The following CREB5 variants were observed in gnomAD, a reference collection of about 807,000 sequenced individuals.
The protein encoded by CREB5 is cAMP responsive element binding protein 5, also known as cyclic AMP-responsive element-binding protein 5.
In CREB5, 19 loss-of-function variants were observed where a neutral mutation model predicts 57.1. That is an observed-to-expected ratio of 0.33 (90% CI 0.23 to 0.49). The LOEUF (loss-of-function observed/expected upper bound fraction) is 0.49, where lower values mean the gene tolerates loss of function less well. CREB5 is among the 20% of genes least tolerant of loss of function. The pLI is 0.99. For synonymous variants in CREB5, 238 were observed against 238.3 expected, an observed-to-expected ratio of 1.00 and a Z score of 0.01; for missense variants, 579 against 671.6, an observed-to-expected ratio of 0.86 and a Z score of 1.52.
intron 5 of CREB5, among the ~76,000 whole-genome samples, chr7:28,707,307 C>A (rs1171087251): frequency 6.6e-6 from 1 of 152,224 alleles, no homozygotes. Context: ...CTTCAAAGGG[C>A]TAAGCACACT....
Position 28,823,341 on chromosome 7 carries a change from T to C in CREB5, c.*4062T>C, listed in dbSNP as rs1233936294. On this transcript the variant is annotated 3_prime_UTR_variant, in exon 11 of 11. Transcript: ENST00000357727. ...TCTATTAATTTAGAATTTTATAAGATATTTATTAATAAATGTTATTTTTAA... is the reference window on the plus strand; with the variant it reads ...TCTATTAATTTAGAATTTTATAAGACATTTATTAATAAATGTTATTTTTAA... 2 of 152,664 alleles carry C rather than the reference T, an allele frequency of 1.3e-5. No homozygotes were observed. The highest frequency in any genetic ancestry group is 1.3e-4 in the Admixed American group (2 of 15,288). 9.5% of individuals were successfully genotyped at this position (152,664 alleles called of 1,614,324 possible).
chr7:28,661,720 C>G (rs1799619067), intron 5 of CREB5, among the ~76,000 whole-genome samples: 1 of 152,162 alleles, frequency 6.6e-6, no homozygotes, highest in African/African-American at 2.4e-5. Context: ...CAGGTTCATT[C>G]TGACTCTAGG....
intron 7 of CREB5, among the ~76,000 whole-genome samples, chr7:28,736,809 G>GCTCT (rs200614614): frequency 1.0e-4 from 15 of 145,912 alleles, no homozygotes; most frequent in African/African-American, 2.5e-4. Flanking sequence ...ATGTACTTAG[G>GCTCT]CTCTCTCTCT....
intron 1 of CREB5, among the ~76,000 whole-genome samples, chr7:28,388,791 C>T (rs1370687881): frequency 6.6e-6 from 1 of 152,156 alleles, no homozygotes; most frequent in Non-Finnish European, 1.5e-5. Flanking sequence ...TTGTATCAGT[C>T]CTAATAACTC....
In CREB5 at chr7:28,635,800, G is replaced by C. The variant is rs562163159; in HGVS notation, c.464+65263G>C. ...TCATTCATATTGTTTTCTGGGCCCAGCCACATTTCAGATTGGCATATGCCA... is the reference window on the plus strand; with the variant it reads ...TCATTCATATTGTTTTCTGGGCCCACCCACATTTCAGATTGGCATATGCCA... On this transcript the variant is annotated intron_variant, in intron 5 of 10. Transcript: ENST00000357727. Among the ~76,000 whole-genome samples the C allele has an allele frequency of 3.3e-5, 5 of 152,200 alleles. No individual in the cohort carries two copies. The East Asian group carries it at 9.7e-4, about 29-fold the overall frequency.
At position 28,412,816 on chromosome 7, in the gene CREB5, A is replaced by T; in HGVS notation, c.-99A>T. 1 of 1,136,506 alleles carries T rather than the reference A, an allele frequency of 8.8e-7. No homozygotes were observed. 70.4% of individuals were successfully genotyped at this position (1,136,506 alleles called of 1,614,324 possible). On this transcript the variant is annotated 5_prime_UTR_variant, in exon 1 of 11. Transcript: ENST00000357727. Reference sequence around the variant, plus strand: ...ATACTCAAGACTTATTTTCTTCCTAATCTTGCTGGTGAAACAGAAGTTACT... The same window carrying T: ...ATACTCAAGACTTATTTTCTTCCTATTCTTGCTGGTGAAACAGAAGTTACT...
intron 1 of CREB5, among the ~76,000 whole-genome samples, chr7:28,400,435 T>TA (rs888678036): frequency 1.3e-5 from 2 of 152,180 alleles, no homozygotes; most frequent in African/African-American, 4.8e-5. Context: ...GACATAGCAT[T>TA]AAATAGCCAC....
chr7:28,559,929 A>G (rs752372302), intron 4 of CREB5, among the ~76,000 whole-genome samples: 1 of 152,228 alleles, frequency 6.6e-6, no homozygotes, highest in Non-Finnish European at 1.5e-5. Context: ...GGTGCTGAGT[A>G]GAAGATAACA....
intron 9 of CREB5, among the ~76,000 whole-genome samples, chr7:28,815,239 G>C (rs1809358553): frequency 6.6e-6 from 1 of 152,150 alleles, no homozygotes; most frequent in Non-Finnish European, 1.5e-5. Flanking sequence ...TGCCACTGTA[G>C]TCCAGCCTGG....
intron 1 of CREB5, among the ~76,000 whole-genome samples, chr7:28,416,328 A>T (rs1788022042): frequency 6.6e-6 from 1 of 152,186 alleles, no homozygotes. Context: ...AAGGGGGAAA[A>T]ATACATGCAA....
At chr7:28,407,027 A>G (rs542236574) in intron 1 of CREB5, among the ~76,000 whole-genome samples, 30 of 151,878 alleles carry the variant, frequency 2.0e-4, no homozygotes, top group African/African-American at 7.2e-4. Flanking sequence ...CCCTGTGCCA[A>G]ACACAATTCT....
At chr7:28,718,171 A>C (rs975622672) in intron 5 of CREB5, among the ~76,000 whole-genome samples, 2 of 152,244 alleles carry the variant, frequency 1.3e-5, no homozygotes, top group Non-Finnish European at 1.5e-5. Flanking sequence ...GCTCTGAGAA[A>C]GGCCAGCTGT....
At chr7:28,345,986 C>T (rs1270774517) in intron 1 of CREB5, among the ~76,000 whole-genome samples, 1 of 152,140 alleles carries the variant, frequency 6.6e-6, no homozygotes, top group Non-Finnish European at 1.5e-5. Flanking sequence ...CTGTTCAACT[C>T]AAGATTCAGA....
intron 1 of CREB5, among the ~76,000 whole-genome samples, chr7:28,329,725 G>A (rs1322506929): frequency 3.3e-5 from 5 of 152,192 alleles, no homozygotes; most frequent in Admixed American, 3.3e-4. Context: ...AGATAACACT[G>A]TAATTCTCCC....
chr7:28,662,240 A>G (rs560103290), intron 5 of CREB5, among the ~76,000 whole-genome samples: 1 of 152,312 alleles, frequency 6.6e-6, no homozygotes, highest in Admixed American at 6.5e-5. Context: ...ACCAGCCTTG[A>G]TTTAAAAGGT....
intron 1 of CREB5, among the ~76,000 whole-genome samples, chr7:28,359,025 C>A (rs1046313410): frequency 4.6e-5 from 7 of 152,028 alleles, no homozygotes; most frequent in African/African-American, 1.7e-4. Flanking sequence ...AATATAGGAG[C>A]TAATCATTCA....
rs376102959 is a variant in CREB5, at chr7:28,571,154, G to T, written c.464+617G>T. ...GGACAGGAGGGATGATTCACATCCT[G>T]GGGGGCATAGCTTGGGACAGCATGA... On this transcript the variant is annotated intron_variant, in intron 5 of 10. Transcript: ENST00000357727. 5.3e-5 allele frequency among the ~76,000 whole-genome samples: 8 copies of T among 152,206 alleles called. No individual in the cohort carries two copies. The East Asian group carries it at 1.4e-3, about 26-fold the overall frequency.
chr7:28,520,977 T>C (rs1245324775), intron 4 of CREB5, among the ~76,000 whole-genome samples: 5 of 152,244 alleles, frequency 3.3e-5, no homozygotes, highest in African/African-American at 1.2e-4. Context: ...GACAGGGTTT[T>C]TTTCTCCTGT....
chr7:28,406,580 G>T (rs974539955), intron 1 of CREB5, among the ~76,000 whole-genome samples: 5 of 152,252 alleles, frequency 3.3e-5, no homozygotes, highest in African/African-American at 1.2e-4. Context: ...AGGCCACAAT[G>T]GATGGAGTCC....
Sources: gnomAD v4.1 joint callset for allele counts (sites outside exome capture counted in the v4.1 genomes callset) on GRCh38, gnomAD v4.1.1 for gene constraint, MANE v1.5 for transcripts, NCBI Gene and HGNC (gene_info 2026-07-23, HGNC 2026-07-21) for gene names.